MMD2: variants seen among roughly 807,000 people sequenced by gnomAD.
MMD2 encodes monocyte to macrophage differentiation associated 2.
Under a neutral mutation model 33.5 loss-of-function variants are expected in MMD2, and 30 were observed. The observed-to-expected ratio is 0.90, with a 90% confidence interval of 0.67 to 1.22. MMD2 has a LOEUF of 1.22. MMD2 is among the 50% of genes most tolerant of loss of function. MMD2 has a pLI of 0.00. For synonymous variants in MMD2, 129 were observed against 123.0 expected, an observed-to-expected ratio of 1.05 and a Z score of -0.32; for missense variants, 364 against 325.4, an observed-to-expected ratio of 1.12 and a Z score of -0.91.
At chr7:4,957,659 A>C (rs1205443438) in intron 1 of MMD2, among the ~76,000 whole-genome samples, 2 of 151,806 alleles carry the variant, frequency 1.3e-5, no homozygotes, top group African/African-American at 4.8e-5. Context: ...CAGAAAAAAA[A>C]AAAAAGTAAG....
At chr7:4,942,350 T>C (rs558905976) in intron 1 of MMD2, among the ~76,000 whole-genome samples, 1 of 152,076 alleles carries the variant, frequency 6.6e-6, no homozygotes, top group Non-Finnish European at 1.5e-5. Flanking sequence ...TTCTCCCGCC[T>C]TGGCCTCCCA....
intron 1 of MMD2, among the ~76,000 whole-genome samples, chr7:4,929,113 T>C (rs1482946478): frequency 5.3e-5 from 8 of 152,100 alleles, no homozygotes; most frequent in African/African-American, 1.9e-4. Context: ...CTGGGACACT[T>C]GGCGCCTGGG....
chr7:4,915,538 G>C (rs905311466), intron 4 of MMD2, among the ~76,000 whole-genome samples: 1 of 151,866 alleles, frequency 6.6e-6, no homozygotes, highest in South Asian at 2.1e-4. Context: ...TTAGGAGTTC[G>C]AGAGCAGCCT....
intron 3 of MMD2, among the ~76,000 whole-genome samples, chr7:4,916,469 G>A (rs1389453776): frequency 1.4e-5 from 2 of 138,212 alleles, no homozygotes; most frequent in Admixed American, 8.2e-5. Flanking sequence ...TGCAACCTCC[G>A]CTTCCCGGAT....
At chr7:4,958,089 G>A (rs1188268165) in intron 1 of MMD2, among the ~76,000 whole-genome samples, 1 of 152,168 alleles carries the variant, frequency 6.6e-6, no homozygotes, top group East Asian at 1.9e-4. Context: ...GGGGACCCCA[G>A]GTGGCAGAGG....
chr7:4,942,079 G>A (rs1024105048), intron 1 of MMD2, among the ~76,000 whole-genome samples: 10 of 150,454 alleles, frequency 6.6e-5, no homozygotes, highest in Admixed American at 1.3e-4. Flanking sequence ...TCAGCCTCCC[G>A]AGTACCTGGG....
chr7:4,900,831 A>G, the MMD2 span, among the ~76,000 whole-genome samples: 1 of 151,984 alleles, frequency 6.6e-6, no homozygotes, highest in Non-Finnish European at 1.5e-5. Context: ...TGACTCTTCT[A>G]TATCTTCCAT....
intron 1 of MMD2, among the ~76,000 whole-genome samples, chr7:4,944,910 G>A (rs1227716714): frequency 5.3e-5 from 8 of 151,226 alleles, no homozygotes; most frequent in African/African-American, 1.9e-4. Flanking sequence ...TGGGACTACA[G>A]GCGCCCGCCA....
At chr7:4,927,014 A>T (rs992731380) in intron 1 of MMD2, among the ~76,000 whole-genome samples, 1 of 151,072 alleles carries the variant, frequency 6.6e-6, no homozygotes, top group East Asian at 2.0e-4. Flanking sequence ...AAAGTGCTGG[A>T]TTTACAGGCG....
intron 1 of MMD2, among the ~76,000 whole-genome samples, chr7:4,937,238 A>C (rs1286655427): frequency 6.6e-6 from 1 of 151,442 alleles, no homozygotes; most frequent in African/African-American, 2.4e-5. Flanking sequence ...CTCTACTAAA[A>C]ATACAAAAAT....
At chr7:4,918,231 G>C (rs935714252) in intron 3 of MMD2, among the ~76,000 whole-genome samples, 5 of 152,162 alleles carry the variant, frequency 3.3e-5, no homozygotes, top group Non-Finnish European at 7.3e-5. Flanking sequence ...TTAAGCCATA[G>C]TGCTCTGGGA....
chr7:4,900,787 C>T, the MMD2 span, among the ~76,000 whole-genome samples: 1 of 152,124 alleles, frequency 6.6e-6, no homozygotes, highest in Non-Finnish European at 1.5e-5. Flanking sequence ...CCTCCTGCCG[C>T]CTCCTCTCCA....
intron 1 of MMD2, among the ~76,000 whole-genome samples, chr7:4,945,242 C>CTTCTTCTTCTTCTTCTTCTTCT (rs1554273385): frequency 1.4e-5 from 2 of 142,704 alleles, no homozygotes; most frequent in Non-Finnish European, 1.5e-5. Context: ...TCTTCTTCCT[C>CTTCTTCTTCTTCTTCTTCTTCT]TCTCTCTTTC....
At chr7:4,927,858 G>A (rs1316154882) in intron 1 of MMD2, among the ~76,000 whole-genome samples, 1 of 152,172 alleles carries the variant, frequency 6.6e-6, no homozygotes, top group Admixed American at 6.6e-5. Context: ...GAAGCTACAG[G>A]GCAGGGAGGT....
the MMD2 span, among the ~76,000 whole-genome samples, chr7:4,894,607 G>C: frequency 6.6e-6 from 1 of 152,110 alleles, no homozygotes; most frequent in Non-Finnish European, 1.5e-5. This position sits in a 1 kb window ranked among gnomAD's most constrained non-coding sequence, Gnocchi z 4.3. Context: ...CCTTGACCTT[G>C]ACTCCCTTCG....
chr7:4,896,886 G>A, the MMD2 span, among the ~76,000 whole-genome samples: 1 of 151,316 alleles, frequency 6.6e-6, no homozygotes, highest in East Asian at 1.9e-4. Context: ...TTGAGACAGA[G>A]TCTCGCTCTG....
the MMD2 span, among the ~76,000 whole-genome samples, chr7:4,893,275 T>G: frequency 6.6e-6 from 1 of 152,070 alleles, no homozygotes; most frequent in Non-Finnish European, 1.5e-5. Context: ...AAGTGAAGTT[T>G]ATTAAGAAAG....
At chr7:4,939,742 C>CTTTCT (rs1445445818) in intron 1 of MMD2, among the ~76,000 whole-genome samples, 12 of 141,854 alleles carry the variant, frequency 8.5e-5, no homozygotes, top group African/African-American at 3.2e-4. Flanking sequence ...TTCTTTCTTT[C>CTTTCT]TTTTTTTTTT....
chr7:4,957,306 C>A (rs939775696), intron 1 of MMD2, among the ~76,000 whole-genome samples: 1 of 151,918 alleles, frequency 6.6e-6, no homozygotes, highest in East Asian at 1.9e-4. Context: ...GATTGTGCCA[C>A]TGCACTCCAG....
Sources: allele counts gnomAD v4.1 joint callset (sites outside exome capture counted in the v4.1 genomes callset), GRCh38; gene constraint gnomAD v4.1.1; non-coding constraint Gnocchi (gnomAD v3.1); transcripts MANE v1.5; gene names NCBI Gene and HGNC (gene_info 2026-07-23, HGNC 2026-07-21).